Variants in ARHGEF10 observed in about 807,000 individuals in gnomAD.
ARHGEF10 encodes Rho guanine nucleotide exchange factor (GEF) 10.
ARHGEF10 carries 140 observed loss-of-function variants against 147.4 expected under a neutral mutation model. That is an observed-to-expected ratio of 0.95 (90% CI 0.83 to 1.09). ARHGEF10 has a LOEUF of 1.09. ARHGEF10 is among the 50% of genes least tolerant of loss of function. The probability of loss-of-function intolerance (pLI) is 0.00; values close to 1 mark genes in which losing one functional copy is unlikely to be tolerated. For synonymous variants in ARHGEF10, 902 were observed against 695.8 expected, an observed-to-expected ratio of 1.30 and a Z score of -4.67; for missense variants, 2,222 against 1,752.7, an observed-to-expected ratio of 1.27 and a Z score of -4.78.
chr8:1,939,211 G>A (rs1813878052), intron 26 of ARHGEF10, among the ~76,000 whole-genome samples: 1 of 152,264 alleles, frequency 6.6e-6, no homozygotes, highest in Non-Finnish European at 1.5e-5. Context: ...TAGAGATCCT[G>A]TGGCCCAGTG....
chr8:1,833,874 A>G (rs1035936093), intron 1 of ARHGEF10, among the ~76,000 whole-genome samples: 2 of 152,196 alleles, frequency 1.3e-5, no homozygotes, highest in African/African-American at 4.8e-5. Flanking sequence ...CATTGCGACC[A>G]TGACCCCTCC....
At chr8:1,915,240 AG>A (rs1248572015) in intron 18 of ARHGEF10, among the ~76,000 whole-genome samples, 2 of 152,212 alleles carry the variant, frequency 1.3e-5, no homozygotes, top group Admixed American at 1.3e-4. Context: ...GAGTGAAAAC[AG>A]GGTAGGCGTG....
intron 20 of ARHGEF10, 37 bp downstream of exon 20, chr8:1,923,632 A>G (rs757443554): frequency 7.0e-5 from 113 of 1,614,128 alleles, no homozygotes; most frequent in East Asian, 2.0e-4. Context: ...TTCTTGGCCA[A>G]TGCTGGGGAG....
chr8:1,949,941 G>T (rs113457734), intron 27 of ARHGEF10, among the ~76,000 whole-genome samples: 70 of 152,256 alleles, frequency 4.6e-4, no homozygotes, highest in African/African-American at 1.5e-3. Flanking sequence ...TGTCTCTGAG[G>T]TTATTTGAAT....
intron 18 of ARHGEF10, among the ~76,000 whole-genome samples, chr8:1,916,737 G>A (rs1179004864): frequency 6.6e-6 from 1 of 152,138 alleles, no homozygotes; most frequent in Non-Finnish European, 1.5e-5. Flanking sequence ...TCAGACTAGG[G>A]ACTTATATAT....
intron 2 of ARHGEF10, among the ~76,000 whole-genome samples, chr8:1,845,748 C>G (rs1471986290): frequency 6.6e-6 from 1 of 152,222 alleles, no homozygotes; most frequent in South Asian, 2.1e-4. Flanking sequence ...GCATGAAATG[C>G]CCATCCACCC....
intron 2 of ARHGEF10, among the ~76,000 whole-genome samples, chr8:1,848,220 C>T (rs756351638): frequency 3.3e-5 from 5 of 152,234 alleles, no homozygotes; most frequent in Non-Finnish European, 5.9e-5. Flanking sequence ...AAGAGGTACG[C>T]GGGGTCCTCC....
chr8:1,956,066 G>A (rs1055764802), intron 28 of ARHGEF10, among the ~76,000 whole-genome samples: 2 of 152,232 alleles, frequency 1.3e-5, no homozygotes, highest in African/African-American at 2.4e-5. Flanking sequence ...AAGGACACGT[G>A]CCCCTGTCCA....
At chr8:1,825,745 T>C (rs2129028556) in intron 1 of ARHGEF10, among the ~76,000 whole-genome samples, 1 of 152,270 alleles carries the variant, frequency 6.6e-6, no homozygotes, top group East Asian at 1.9e-4. Context: ...TTCCAGTCAC[T>C]AACTTTGGCT....
At chr8:1,945,806 A>T in intron 27 of ARHGEF10, 151 bp downstream of exon 27, 2 of 1,205,270 alleles carry the variant, frequency 1.7e-6, no homozygotes, top group South Asian at 2.5e-5. Flanking sequence ...AGGCCCAGGG[A>T]CAGACGTGGG....
At position 1,888,146 on chromosome 8, in the gene ARHGEF10, T is replaced by TAGTGGGGCGAGGGTTGCGAGGAGACAGTG. The variant is rs1285984887; in HGVS notation, c.1182+2447_1182+2475dup. 1.4e-4 allele frequency among the ~76,000 whole-genome samples: 5 copies of TAGTGGGGCGAGGGTTGCGAGGAGACAGTG among 35,298 alleles called. 1 individual carries two copies. Among genetic ancestry groups the TAGTGGGGCGAGGGTTGCGAGGAGACAGTG allele is most frequent in the Admixed American group, 2.8e-4 (1 of 3,546 alleles). 23.2% of individuals were successfully genotyped at this position (35,298 alleles called of 152,430 possible). A position where few individuals can be genotyped will look rare whatever the true frequency, so the allele number is the denominator to read the frequency against. Reference sequence around the variant, plus strand: ...GGGTGAGGGTTTGCGAGGAGACACTTAGTGGGGCGAGGGTTGCGAGGAGAC... The same window carrying TAGTGGGGCGAGGGTTGCGAGGAGACAGTG: ...GGGTGAGGGTTTGCGAGGAGACACTTAGTGGGGCGAGGGTTGCGAGGAGACAGTGAGTGGGGCGAGGGTTGCGAGGAGAC... On this transcript the variant is annotated intron_variant, in intron 11 of 28. Coordinates refer to ENST00000349830, the MANE Select transcript of ARHGEF10 (RefSeq NM_014629.4).
intron 16 of ARHGEF10, among the ~76,000 whole-genome samples, chr8:1,905,069 C>T (rs1810775024): frequency 6.6e-6 from 1 of 152,162 alleles, no homozygotes; most frequent in African/African-American, 2.4e-5. Flanking sequence ...GTGGAGGTTG[C>T]AGTGAGTTGA....
intron 27 of ARHGEF10, among the ~76,000 whole-genome samples, chr8:1,950,730 G>GTTTTTTTTTT (rs71211528): frequency 1.0e-4 from 11 of 108,452 alleles, no homozygotes; most frequent in Admixed American, 3.2e-4. Flanking sequence ...TGTTTTTTAG[G>GTTTTTTTTTT]TTTTTTTTTT....
intron 14 of ARHGEF10, among the ~76,000 whole-genome samples, chr8:1,897,002 C>T (rs1810030048): frequency 6.6e-6 from 1 of 151,980 alleles, no homozygotes; most frequent in Admixed American, 6.5e-5. Flanking sequence ...CAGGGCTTCC[C>T]CAGTCGTGGG....
intron 2 of ARHGEF10, among the ~76,000 whole-genome samples, chr8:1,848,185 G>A (rs908766053): frequency 2.6e-5 from 4 of 152,206 alleles, no homozygotes; most frequent in Non-Finnish European, 4.4e-5. Context: ...TGTATTTGTC[G>A]TCCTCTCTTC....
intron 19 of ARHGEF10, 22 bp from the exon 20 acceptor site, chr8:1,923,445 GT>G: frequency 6.2e-7 from 1 of 1,614,094 alleles, no homozygotes; most frequent in Non-Finnish European, 8.5e-7. Flanking sequence ...CTTTTGAAAT[GT>G]GCGTATTTAT....
At chr8:1,841,129 C>T (rs538006854) in intron 1 of ARHGEF10, among the ~76,000 whole-genome samples, 2 of 152,368 alleles carry the variant, frequency 1.3e-5, no homozygotes, top group East Asian at 3.9e-4. Context: ...TCGCGTCAGC[C>T]AGCTGCCCTC....
chr8:1,946,066 A>C, intron 27 of ARHGEF10: 1 of 352,966 alleles, frequency 2.8e-6, no homozygotes. Context: ...GGAGAGGCCA[A>C]CAGAGGCCTA....
Position 1,869,119 on chromosome 8 carries a change from T to A in ARHGEF10, c.623-75T>A. 2.3e-6 allele frequency: 3 copies of A among 1,299,234 alleles called. No individual in the cohort carries two copies. In the South Asian group the frequency reaches 3.5e-5, roughly 15 times the overall value. The allele number at this position is 1,299,234 out of a possible 1,614,324, so 80.5% of individuals were successfully genotyped here. On this transcript the variant is annotated intron_variant, in intron 6 of 28. Transcript: ENST00000349830. ...GAATAATCATGACATCATCGGCGAC[T>A]GTGGCCCTGTAAAATTTAAATTGCA...
Sources: allele counts gnomAD v4.1 joint callset (sites outside exome capture counted in the v4.1 genomes callset), GRCh38; gene constraint gnomAD v4.1.1; transcripts MANE v1.5; gene names NCBI Gene and HGNC (gene_info 2026-07-23, HGNC 2026-07-21).